Variants in MUSK observed in about 807,000 individuals in gnomAD.
The protein encoded by MUSK is muscle associated receptor tyrosine kinase, also known as muscle, skeletal receptor tyrosine-protein kinase.
A neutral mutation model predicts 88.7 loss-of-function variants in MUSK; 55 were observed. That is an observed-to-expected ratio of 0.62 (90% confidence interval 0.50 to 0.78). The LOEUF is 0.78. Among genes scored for constraint, MUSK ranks in the 30% least tolerant of loss-of-function variants. The pLI is 0.00. For synonymous variants in MUSK, 387 were observed against 391.9 expected (o/e 0.99, Z 0.15); for missense variants, 1,015 against 1,074.3 (o/e 0.94, Z 0.77).
chr9:110,734,233 C>T lies in MUSK; in HGVS notation c.629-18C>T. 2 of 1,604,376 alleles carry T rather than the reference C, an allele frequency of 1.2e-6. No individual in the cohort carries two copies. Among genetic ancestry groups the T allele is most frequent in the East Asian group, 2.2e-5 (1 of 44,458 alleles). On this transcript the variant is annotated intron_variant, in intron 5 of 14. Coordinates refer to ENST00000374448, the MANE Select transcript of MUSK (RefSeq NM_005592.4). ...TTTCCTGCAGGAGCGTCACTCACCA[C>T]TTCTGTCTTCCTAACAGTTTTTGCC... is the stretch of plus-strand genomic sequence containing the variant.
At chr9:110,690,128 G>GAAATATATATTTAAGTATAAATA (rs2076306765) in intron 3 of MUSK, among the ~76,000 whole-genome samples, 1 of 27,942 alleles carries the variant, frequency 3.6e-5, no homozygotes, top group African/African-American at 1.1e-4. Flanking sequence ...TATTATATAA[G>GAAATATATATTTAAGTATAAATA]TATAAATATA....
intron 9 of MUSK, among the ~76,000 whole-genome samples, chr9:110,774,890 CACTCTT>C (rs57104616): frequency 0.029 from 4,156 of 142,802 alleles, 196 homozygotes; most frequent in African/African-American, 0.11. Flanking sequence ...CACACACACA[CACTCTT>C]ACAATTTCCT....
intron 7 of MUSK, among the ~76,000 whole-genome samples, chr9:110,751,774 G>A (rs1003001572): frequency 4.0e-5 from 6 of 151,360 alleles, no homozygotes; most frequent in Non-Finnish European, 8.8e-5. Context: ...TAAGGAGAGG[G>A]TTAACCTATA....
intron 7 of MUSK, among the ~76,000 whole-genome samples, chr9:110,757,311 T>A (rs1408929456): frequency 6.6e-6 from 1 of 151,920 alleles, no homozygotes; most frequent in East Asian, 1.9e-4. Flanking sequence ...ATACAAAAAT[T>A]AGCCAGGCAG....
chr9:110,676,900 T>C (rs2076038413), intron 1 of MUSK, among the ~76,000 whole-genome samples: 1 of 152,160 alleles, frequency 6.6e-6, no homozygotes, highest in Admixed American at 6.5e-5. Flanking sequence ...GGCTGTTATT[T>C]CATTGAGGAA....
chr9:110,768,754 A>T (rs1280174797), intron 9 of MUSK, among the ~76,000 whole-genome samples: 2 of 152,136 alleles, frequency 1.3e-5, no homozygotes, highest in Non-Finnish European at 2.9e-5. Context: ...TTTGTCAATA[A>T]ATGAGATCAT....
intron 11 of MUSK, among the ~76,000 whole-genome samples, chr9:110,782,377 A>G (rs2077774944): frequency 6.6e-6 from 1 of 152,240 alleles, no homozygotes; most frequent in Non-Finnish European, 1.5e-5. Flanking sequence ...TGAAGGAAAG[A>G]AACATTTAAA....
intron 5 of MUSK, among the ~76,000 whole-genome samples, chr9:110,711,092 C>A (rs761299985): frequency 2.5e-4 from 38 of 151,822 alleles, no homozygotes; most frequent in Non-Finnish European, 4.0e-4. Context: ...CACACCGGAG[C>A]CTGTTGTGGG....
chr9:110,785,648 T>C lies in MUSK; in HGVS notation c.1708T>C (p.Tyr570His). The change falls in exon 13 of 15, where the codon TAT (tyrosine) becomes CAT (histidine). Residue 570 changes from tyrosine to histidine, a missense_variant. Physicochemically the swap from Tyr to His is moderately conservative, Grantham distance 83. Transcript: ENST00000374448. The stretch of plus-strand genomic sequence containing the variant: ...GAACCCCAAATTGCTCAGCCTGGAG[T>C]ATCCAAGGAATAACATTGAATATGT... ...LLNPKLLSLE[Y>H]PRNNIEYVRD... is the part of the protein sequence containing the mutation. 6.2e-7 allele frequency: 1 copy of C among 1,612,730 alleles called. No individual in the cohort carries two copies. Among genetic ancestry groups the C allele is most frequent in the Non-Finnish European group, 8.5e-7 (1 of 1,179,364 alleles).
In MUSK at chr9:110,800,619, C is replaced by T; in HGVS notation, c.2241C>T (p.Ser747=). 2 of 1,613,814 alleles carry T rather than the reference C, an allele frequency of 1.2e-6. No homozygotes were observed. The highest frequency in any genetic ancestry group is 1.7e-6 in the Non-Finnish European group (2 of 1,179,858). ...TGAAAATTGCCGACTTTGGCCTCTC[C>T]AGGAACATCTACTCAGCAGACTACT... ...MVVKIADFGL[S]RNIYSADYYK... Residue 747 remains serine, a synonymous_variant, in exon 15 of 15, where the codon TCC becomes TCT. Transcript: ENST00000374448.
chr9:110,789,614 A>C (rs1482514533), intron 14 of MUSK, among the ~76,000 whole-genome samples: 1 of 152,154 alleles, frequency 6.6e-6, no homozygotes, highest in Admixed American at 6.5e-5. Context: ...CCCCATCTCT[A>C]CTAAAAATAC....
chr9:110,704,439 T>C (rs1170188413), intron 5 of MUSK, among the ~76,000 whole-genome samples: 1 of 152,236 alleles, frequency 6.6e-6, no homozygotes, highest in East Asian at 1.9e-4. Context: ...GGATGCTTGA[T>C]TATTAGTTAT....
intron 14 of MUSK, 177 bp downstream of exon 14, chr9:110,788,015 A>G (rs543385273): frequency 1.5e-6 from 1 of 671,570 alleles, no homozygotes; most frequent in Non-Finnish European, 2.7e-6. Flanking sequence ...TCATGGCTTA[A>G]TGGATTATCC....
intron 5 of MUSK, among the ~76,000 whole-genome samples, chr9:110,732,880 C>T (rs965219876): frequency 1.8e-4 from 28 of 152,068 alleles, no homozygotes; most frequent in African/African-American, 6.3e-4. Flanking sequence ...CTGCAAAAAG[C>T]CCCCAATAGT....
chr9:110,786,817 C>T (rs777502539), intron 13 of MUSK, among the ~76,000 whole-genome samples: 6 of 152,180 alleles, frequency 3.9e-5, no homozygotes, highest in Non-Finnish European at 7.3e-5. Context: ...AGACACACAG[C>T]TGAGCCAGAG....
chr9:110,784,460 C>T (rs557280626), intron 11 of MUSK, among the ~76,000 whole-genome samples: 1 of 152,174 alleles, frequency 6.6e-6, no homozygotes. Context: ...CAGCTCTAGA[C>T]AATCCTGATG....
intron 5 of MUSK, among the ~76,000 whole-genome samples, chr9:110,712,620 T>A (rs945828299): frequency 7.9e-5 from 12 of 152,156 alleles, no homozygotes; most frequent in African/African-American, 2.9e-4. Context: ...GGATCCTTAA[T>A]GCAGTGACCC....
chr9:110,715,748 A>T (rs1587945615), intron 5 of MUSK, among the ~76,000 whole-genome samples: 1 of 149,100 alleles, frequency 6.7e-6, no homozygotes, highest in Non-Finnish European at 1.5e-5. Context: ...TAGACTGGAT[A>T]AAGAAAATGT....
chr9:110,791,352 A>T (rs1384476570), intron 14 of MUSK, among the ~76,000 whole-genome samples: 2 of 121,006 alleles, frequency 1.7e-5, no homozygotes, highest in Non-Finnish European at 3.5e-5. Flanking sequence ...GGGGTGACGG[A>T]CGCACCTGGA....
Sources: gnomAD v4.1 joint callset for allele counts (sites outside exome capture counted in the v4.1 genomes callset) on GRCh38, gnomAD v4.1.1 for gene constraint, MANE v1.5 for transcripts, NCBI Gene and HGNC (gene_info 2026-07-23, HGNC 2026-07-21) for gene names.